Variants in DNAI1 observed in about 807,000 individuals in gnomAD.
DNAI1 encodes dynein, axonemal, intermediate polypeptide 1.
A neutral mutation model predicts 92.0 loss-of-function variants in DNAI1; 67 were observed. That is an observed-to-expected ratio of 0.73 (90% CI 0.60 to 0.89). DNAI1 has a LOEUF of 0.89. Among genes scored for constraint, DNAI1 ranks in the 40% least tolerant of loss-of-function variants. The pLI, the probability that DNAI1 is intolerant of heterozygous loss-of-function variation, is 0.00. For synonymous variants in DNAI1, 323 were observed against 319.6 expected (o/e 1.01, Z -0.11); for missense variants, 839 against 866.6 (o/e 0.97, Z 0.40).
chr9:34,498,184 T>C (rs528009047), intron 10 of DNAI1, among the ~76,000 whole-genome samples: 1 of 152,340 alleles, frequency 6.6e-6, no homozygotes, highest in African/African-American at 2.4e-5. Context: ...GGAACAGTTA[T>C]AATAGTGAGA....
Position 34,458,987 on chromosome 9 carries a change from A to G in DNAI1, c.-19A>G, listed in dbSNP as rs1823880536. 1.2e-5 allele frequency: 19 copies of G among 1,613,766 alleles called. No individual in the cohort carries two copies. The East Asian group carries it at 3.8e-4, about 32-fold the overall frequency. ...GTCTTCAGACGAGGGAGCGTTTTGTAGGCTCTCCAGGGGTTGAGATGATTC... is the reference window on the plus strand; with the variant it reads ...GTCTTCAGACGAGGGAGCGTTTTGTGGGCTCTCCAGGGGTTGAGATGATTC... On this transcript the variant is annotated 5_prime_UTR_variant, in exon 1 of 20. Coordinates refer to ENST00000242317, the MANE Select transcript of DNAI1 (RefSeq NM_012144.4). This position sits in a 1 kb window ranked among gnomAD's most constrained non-coding sequence, Gnocchi z 6.6.
In DNAI1 at chr9:34,520,393, C is replaced by T. The variant is rs942319904; in HGVS notation, c.2002-265C>T. Among the ~76,000 whole-genome samples the T allele has an allele frequency of 3.3e-5, 5 of 152,326 alleles. No individual in the cohort carries two copies. The South Asian group carries it at 1.0e-3, about 32-fold the overall frequency. ...GTCAGGGAATGGATGCCTTTTCCCA[C>T]TCCCACAAGCATCAAGACCCCATGT... On this transcript the variant is annotated intron_variant, in intron 19 of 19. Coordinates refer to ENST00000242317, the MANE Select transcript of DNAI1 (RefSeq NM_012144.4).
intron 1 of DNAI1, among the ~76,000 whole-genome samples, chr9:34,468,739 TA>T (rs1171335422): frequency 6.6e-6 from 1 of 151,456 alleles, no homozygotes; most frequent in Non-Finnish European, 1.5e-5. Context: ...AGTGGAAGGA[TA>T]GCTTGAACCC....
rs754233819 is a variant in DNAI1 at position 34,500,822 on chromosome 9, C to T, written c.1002C>T (p.Ser334=). 4.3e-5 allele frequency: 70 copies of T among 1,614,006 alleles called. 1 individual carries two copies. The highest frequency in any genetic ancestry group is 1.7e-4 in the Middle Eastern group (1 of 6,042). ...KFQNDKAKRL[S]VTALCWNPKY... is the part of the protein sequence containing the mutation. Reference sequence around the variant, plus strand: ...AAAATGACAAAGCCAAGCGCCTGTCCGTCACTGCCCTCTGCTGGTAAGTAT... The same window carrying T: ...AAAATGACAAAGCCAAGCGCCTGTCTGTCACTGCCCTCTGCTGGTAAGTAT... The change falls in exon 11 of 20, where the codon TCC becomes TCT. Residue 334 remains serine, a synonymous_variant. Transcript: ENST00000242317.
intron 1 of DNAI1, among the ~76,000 whole-genome samples, chr9:34,469,325 G>A (rs114862189): frequency 0.01 from 1,452 of 145,056 alleles, 26 homozygotes; most frequent in African/African-American, 0.035. Flanking sequence ...GAGTGCAATG[G>A]CATGCTCACA....
chr9:34,492,510 A>C (rs1824626799), intron 8 of DNAI1, among the ~76,000 whole-genome samples: 10 of 99,836 alleles, frequency 1.0e-4, no homozygotes, highest in African/African-American at 3.3e-4. Flanking sequence ...ATATATATAT[A>C]TATATATATA....
In DNAI1 at chr9:34,517,401, T is replaced by G. The variant is rs1393988058; in HGVS notation, c.1935T>G (p.Ile645Met). ...VQFNLIHPII[I>M]VGDDRGHIIS... ...TCAATCTCATCCACCCCATCATCAT[T>G]GTGGGCGATGACCGTGGGCACATCA... The change falls in exon 19 of 20, where the codon ATT becomes ATG. Residue 645 changes from isoleucine (I) to methionine (M), a missense_variant. Transcript: ENST00000242317. 3.7e-6 allele frequency: 6 copies of G among 1,614,174 alleles called. No individual in the cohort carries two copies. The Admixed American group carries it at 1.0e-4, about 27-fold the overall frequency.
intron 1 of DNAI1, among the ~76,000 whole-genome samples, chr9:34,464,127 T>TA (rs1188353380): frequency 6.6e-6 from 1 of 152,168 alleles, no homozygotes; most frequent in Non-Finnish European, 1.5e-5. Flanking sequence ...TAGCCCAGCT[T>TA]ACAATCGTCT....
Position 34,505,217 on chromosome 9 carries a change from C to T in DNAI1, c.1064-1410C>T, listed in dbSNP as rs554009733. Among the ~76,000 whole-genome samples the T allele has an allele frequency of 2.6e-5, 4 of 152,288 alleles. No homozygotes were observed. In the South Asian group the frequency reaches 8.3e-4, roughly 32 times the overall value. ...AACCAGGTGGTAACAGGGCTGCATT[C>T]CCTCTTGAGGCTCCAGGGGAGCAGC... On this transcript the variant is annotated intron_variant, in intron 12 of 19. Transcript: ENST00000242317.
chr9:34,474,355 C>T (rs575008965), intron 1 of DNAI1, among the ~76,000 whole-genome samples: 1 of 151,986 alleles, frequency 6.6e-6, no homozygotes, highest in African/African-American at 2.4e-5. Context: ...CCACCTCACC[C>T]TTCTGAGTAG....
chr9:34,474,214 C>T (rs1305477886), intron 1 of DNAI1, among the ~76,000 whole-genome samples: 2 of 151,944 alleles, frequency 1.3e-5, no homozygotes, highest in African/African-American at 2.4e-5. Flanking sequence ...ACATCTTATT[C>T]AGGTGTGACT....
At chr9:34,485,414 C>T (rs779711954) in intron 3 of DNAI1, 23 bp from the exon 4 acceptor site, 4 of 1,613,516 alleles carry the variant, frequency 2.5e-6, no homozygotes, top group East Asian at 2.2e-5. Context: ...ATGTATGACC[C>T]TCTTGGTATT....
At chr9:34,465,093 T>C (rs1046295433) in intron 1 of DNAI1, among the ~76,000 whole-genome samples, 4 of 152,206 alleles carry the variant, frequency 2.6e-5, no homozygotes, top group Non-Finnish European at 5.9e-5. Context: ...AACTATTAGA[T>C]TTAATAACTT....
chr9:34,462,148 C>G (rs1431933775), intron 1 of DNAI1, among the ~76,000 whole-genome samples: 1 of 152,158 alleles, frequency 6.6e-6, no homozygotes, highest in Admixed American at 6.5e-5. Context: ...CTTGGTATGG[C>G]CTTTGCCACC....
At chr9:34,491,694 C>T (rs1824599327) in intron 8 of DNAI1, 140 bp downstream of exon 8, 1 of 901,462 alleles carries the variant, frequency 1.1e-6, no homozygotes, top group Non-Finnish European at 1.8e-6. Flanking sequence ...TGCTCACTGT[C>T]CTGAGCATCC....
intron 18 of DNAI1, 42 bp from the exon 19 acceptor site, chr9:34,517,243 G>C (rs191879963): frequency 1.2e-6 from 2 of 1,604,050 alleles, no homozygotes; most frequent in East Asian, 4.5e-5. Flanking sequence ...TGGAAGACAG[G>C]CCTCATTACC....
At chr9:34,504,081 C>A (rs946601866) in intron 12 of DNAI1, among the ~76,000 whole-genome samples, 1 of 152,136 alleles carries the variant, frequency 6.6e-6, no homozygotes, top group African/African-American at 2.4e-5. Context: ...GGCTATCACA[C>A]AGGAGATGGG....
chr9:34,516,963 A>ATTTT (rs1825181120), intron 18 of DNAI1, among the ~76,000 whole-genome samples: 1 of 149,556 alleles, frequency 6.7e-6, no homozygotes, highest in Non-Finnish European at 1.5e-5. Flanking sequence ...CTGGTCTCAA[A>ATTTT]CTCCTGACCT....
At chr9:34,467,092 ATAACTCGCTTTACTC>A (rs1399222571) in intron 1 of DNAI1, among the ~76,000 whole-genome samples, 1 of 152,232 alleles carries the variant, frequency 6.6e-6, no homozygotes, top group African/African-American at 2.4e-5. Context: ...AGTGGAAGAT[ATAACTCGCTTTACTC>A]TAAAGTAACT....
Sources: gnomAD v4.1 joint callset for allele counts (sites outside exome capture counted in the v4.1 genomes callset) on GRCh38, gnomAD v4.1.1 for gene constraint, Gnocchi (gnomAD v3.1) non-coding constraint, MANE v1.5 for transcripts, NCBI Gene and HGNC (gene_info 2026-07-23, HGNC 2026-07-21) for gene names.